Variants in PTPRJ observed in about 807,000 individuals in gnomAD.
PTPRJ encodes the protein receptor-type tyrosine-protein phosphatase eta.
Under a neutral mutation model 141.3 loss-of-function variants are expected in PTPRJ, and 129 were observed. The observed-to-expected ratio is 0.91, with a 90% confidence interval of 0.79 to 1.06. PTPRJ has a LOEUF of 1.06. Ranked by LOEUF, PTPRJ falls within the 50% of genes least tolerant of loss-of-function variation. The pLI, the probability that PTPRJ is intolerant of heterozygous loss-of-function variation, is 0.00. For missense variants in PTPRJ, 1,601 were observed against 1,679.7 expected (o/e 0.95, Z 0.82); for synonymous variants, 610 against 640.5 (o/e 0.95, Z 0.72).
intron 1 of PTPRJ, among the ~76,000 whole-genome samples, chr11:48,042,785 T>TGTGTGAGA (rs1555034428): frequency 6.8e-6 from 1 of 146,242 alleles, no homozygotes; most frequent in African/African-American, 2.5e-5. Flanking sequence ...TGTGTGTGTG[T>TGTGTGAGA]GAGAGAGAGA....
At chr11:48,108,904 A>G (rs1856366494) in intron 1 of PTPRJ, among the ~76,000 whole-genome samples, 1 of 152,110 alleles carries the variant, frequency 6.6e-6, no homozygotes, top group South Asian at 2.1e-4. Context: ...TTGAGTGCCT[A>G]CTGGGTCCAC....
chr11:48,099,542 A>T (rs906935510), intron 1 of PTPRJ, among the ~76,000 whole-genome samples: 1 of 152,042 alleles, frequency 6.6e-6, no homozygotes, highest in Admixed American at 6.6e-5. Flanking sequence ...TAGGGCATTC[A>T]TGAGGCTTGA....
chr11:48,091,663 G>T (rs1855868555), intron 1 of PTPRJ, among the ~76,000 whole-genome samples: 1 of 152,094 alleles, frequency 6.6e-6, no homozygotes, highest in Non-Finnish European at 1.5e-5. Context: ...GTTCCTTCAG[G>T]TGATTGAAAA....
At chr11:48,016,110 G>A (rs1332691533) in intron 1 of PTPRJ, among the ~76,000 whole-genome samples, 1 of 152,134 alleles carries the variant, frequency 6.6e-6, no homozygotes, top group East Asian at 1.9e-4. Flanking sequence ...GAGGTGTTGA[G>A]GGGCTTGGAT....
chr11:48,065,050 T>G (rs1855049525), intron 1 of PTPRJ, among the ~76,000 whole-genome samples: 1 of 147,756 alleles, frequency 6.8e-6, no homozygotes, highest in South Asian at 2.2e-4. Flanking sequence ...GCTTCACTCT[T>G]GTTGCCCAGG....
At chr11:48,131,507 A>G in intron 8 of PTPRJ, 1 of 776,098 alleles carries the variant, frequency 1.3e-6, no homozygotes, top group Non-Finnish European at 2.4e-6. Context: ...AAATATTTCT[A>G]CAGGATGATT....
chr11:48,123,679 G>A lies in PTPRJ; in HGVS notation c.683G>A (p.Ser228Asn). ...TGVRKAALSW[S>N]NGNGTASCRV... Reference sequence around the variant, plus strand: ...GTGAGGAAGGCTGCTCTCTCCTGGAGCAATGGCAATGGCACTGCCTCCTGC... The same window carrying A: ...GTGAGGAAGGCTGCTCTCTCCTGGAACAATGGCAATGGCACTGCCTCCTGC... The change falls in exon 5 of 25, where the codon AGC becomes AAC. Residue 228 changes from serine (S) to asparagine (N), a missense_variant. Ser to Asn is a conservative substitution (Grantham distance 46). Transcript: ENST00000418331. 6.2e-7 allele frequency: 1 copy of A among 1,614,160 alleles called. No homozygotes were observed. Among genetic ancestry groups the A allele is most frequent in the South Asian group, 1.1e-5 (1 of 91,084 alleles).
intron 1 of PTPRJ, among the ~76,000 whole-genome samples, chr11:48,093,857 C>T (rs920369949): frequency 2.0e-5 from 3 of 151,068 alleles, no homozygotes; most frequent in Non-Finnish European, 2.9e-5. Flanking sequence ...ATGGCTCCTG[C>T]GGCTCTGACG....
In PTPRJ at chr11:48,125,033, G is replaced by A. The variant is rs777942402; in HGVS notation, c.940G>A (p.Val314Met). 10 of 1,614,078 alleles carry A rather than the reference G, an allele frequency of 6.2e-6. No individual in the cohort carries two copies. Among genetic ancestry groups the A allele is most frequent in the South Asian group, 1.1e-5 (1 of 91,078 alleles). Residue 314 changes from valine (V) to methionine (M), a missense_variant, in exon 6 of 25, where the codon GTG becomes ATG. By Grantham distance (21) the Val-to-Met change is conservative. Transcript: ENST00000418331. ...CGCCCCTGTGCATGATGAGTCCCTCGTGGGACCTGTGGACCCATCCTCCGG... is the reference window on the plus strand; with the variant it reads ...CGCCCCTGTGCATGATGAGTCCCTCATGGGACCTGTGGACCCATCCTCCGG... Reference protein sequence around the residue: ...PTAPVHDESLVGPVDPSSGQQ... With the variant: ...PTAPVHDESLMGPVDPSSGQQ...
At chr11:48,028,602 C>T (rs1317160360) in intron 1 of PTPRJ, among the ~76,000 whole-genome samples, 3 of 152,160 alleles carry the variant, frequency 2.0e-5, no homozygotes, top group Non-Finnish European at 4.4e-5. Flanking sequence ...ACCAGCCTGG[C>T]CAACGTGGTG....
intron 8 of PTPRJ, among the ~76,000 whole-genome samples, chr11:48,134,581 AC>A (rs1366342851): frequency 6.6e-6 from 1 of 152,188 alleles, no homozygotes; most frequent in East Asian, 1.9e-4. Context: ...TAAACATGGC[AC>A]AATTTTTTTT....
At chr11:48,065,246 T>C (rs1397635693) in intron 1 of PTPRJ, among the ~76,000 whole-genome samples, 1 of 152,078 alleles carries the variant, frequency 6.6e-6, no homozygotes, top group Non-Finnish European at 1.5e-5. Context: ...ACTCCCGACC[T>C]CAGGTGATCT....
intron 1 of PTPRJ, among the ~76,000 whole-genome samples, chr11:48,074,393 A>G (rs371117350): frequency 2.1e-4 from 32 of 152,326 alleles, no homozygotes; most frequent in African/African-American, 7.7e-4. Flanking sequence ...GACAAGAATC[A>G]TGTATATCAT....
intron 18 of PTPRJ, among the ~76,000 whole-genome samples, chr11:48,151,613 A>G (rs1857486239): frequency 9.4e-6 from 1 of 105,994 alleles, no homozygotes; most frequent in African/African-American, 3.7e-5. Context: ...CCACCCCATG[A>G]CAGGCCCCGG....
At chr11:48,009,984 T>C (rs984809212) in intron 1 of PTPRJ, among the ~76,000 whole-genome samples, 6 of 152,212 alleles carry the variant, frequency 3.9e-5, no homozygotes, top group African/African-American at 1.4e-4. Flanking sequence ...GCAGCGTTTC[T>C]GGACATACAT....
Position 47,980,729 on chromosome 11 carries a change from G to T in PTPRJ, c.-184G>T. On this transcript the variant is annotated 5_prime_UTR_variant, in exon 1 of 25. Transcript: ENST00000418331. Reference sequence around the variant, plus strand: ...GCGCTAGGCTCCGGCGTGTGGCCGCGGCCGCCGCCGCCGCTGCCATGTCTC... The same window carrying T: ...GCGCTAGGCTCCGGCGTGTGGCCGCTGCCGCCGCCGCCGCTGCCATGTCTC... 1 of 1,004,612 alleles carries T rather than the reference G, an allele frequency of 1.0e-6. No individual in the cohort carries two copies. 62.2% of individuals were successfully genotyped at this position (1,004,612 alleles called of 1,614,324 possible).
rs751526244 is a variant in PTPRJ, at chr11:48,158,083, C to T, written c.3439-1847C>T. Among the ~76,000 whole-genome samples, 22 of 152,076 alleles carry T rather than the reference C, an allele frequency of 1.4e-4. No individual in the cohort carries two copies. Among genetic ancestry groups the T allele is most frequent in the Non-Finnish European group, 2.6e-4 (18 of 68,008 alleles). On this transcript the variant is annotated intron_variant, in intron 21 of 24. Transcript: ENST00000418331. This position sits in a 1 kb window ranked among gnomAD's most constrained non-coding sequence, Gnocchi z 4.4. The stretch of plus-strand genomic sequence containing the variant: ...AGGAGAATGGCCTGAACCCAGGAGG[C>T]GGAGGTTGCAGTGAGCCAAGATTGC...
At position 48,121,169 on chromosome 11, in the gene PTPRJ, C is replaced by A; in HGVS notation, c.519C>A (p.Ile173=). ...TTGTGCATCAACCATGGTGTAACAT[C>A]ACAGGCTTACGTCCAGCGACTTCAT... The part of the protein sequence containing the change: ...ITVVHQPWCN[I]TGLRPATSYV... The change falls in exon 4 of 25, where the codon ATC becomes ATA. Residue 173 remains isoleucine, a synonymous_variant. Transcript: ENST00000418331. 6.2e-7 allele frequency: 1 copy of A among 1,614,090 alleles called. No individual in the cohort carries two copies. The highest frequency in any genetic ancestry group is 1.3e-5 in the African/African-American group (1 of 75,018).
chr11:48,080,789 A>G (rs553410350), intron 1 of PTPRJ, among the ~76,000 whole-genome samples: 2 of 152,274 alleles, frequency 1.3e-5, no homozygotes, highest in East Asian at 3.9e-4. Flanking sequence ...TTAAGCTCCC[A>G]GAGTACCTTA....
Sources: gnomAD v4.1 joint callset for allele counts (sites outside exome capture counted in the v4.1 genomes callset) on GRCh38, gnomAD v4.1.1 for gene constraint, Gnocchi (gnomAD v3.1) non-coding constraint, MANE v1.5 for transcripts, NCBI Gene and HGNC (gene_info 2026-07-23, HGNC 2026-07-21) for gene names.